The following BMAL2 variants were observed in gnomAD, a reference collection of about 807,000 sequenced individuals.
BMAL2 encodes basic helix-loop-helix ARNT like 2.
chr12:27,374,540 C>T, the BMAL2 span, among the ~76,000 whole-genome samples: 3 of 152,166 alleles, frequency 2.0e-5, no homozygotes, highest in African/African-American at 7.2e-5. Context: ...TATATAATTC[C>T]AGACTATTAG....
chr12:27,340,385 T>C, the BMAL2 span, among the ~76,000 whole-genome samples: 1 of 152,224 alleles, frequency 6.6e-6, no homozygotes, highest in Non-Finnish European at 1.5e-5. Context: ...TGCTTGTTTT[T>C]GTCAGCTTTG....
the BMAL2 span, chr12:27,387,231 G>A: frequency 6.2e-7 from 1 of 1,606,942 alleles, no homozygotes; most frequent in Non-Finnish European, 8.5e-7. Flanking sequence ...ATCCTAGACT[G>A]CAGAAGGCTT....
chr12:27,390,094 AGCTGGTTT>A, the BMAL2 span: 1 of 1,613,512 alleles, frequency 6.2e-7, no homozygotes, highest in African/African-American at 1.3e-5. Context: ...TCTGCACGAA[AGCTGGTTT>A]GCAAGTTCAC....
chr12:27,396,465 G>A, the BMAL2 span, among the ~76,000 whole-genome samples: 1 of 152,218 alleles, frequency 6.6e-6, no homozygotes, highest in East Asian at 1.9e-4. Context: ...GTCACATATA[G>A]AGTGACAGAA....
chr12:27,350,489 C>T, the BMAL2 span, among the ~76,000 whole-genome samples: 3 of 152,148 alleles, frequency 2.0e-5, no homozygotes, highest in Non-Finnish European at 4.4e-5. Flanking sequence ...TGAAGATGTT[C>T]CACAGAAGTG....
the BMAL2 span, among the ~76,000 whole-genome samples, chr12:27,348,880 G>C: frequency 7.2e-6 from 1 of 139,170 alleles, no homozygotes; most frequent in African/African-American, 3.4e-5. Flanking sequence ...AGAATTAAGT[G>C]AAGCAGGATG....
the BMAL2 span, among the ~76,000 whole-genome samples, chr12:27,398,963 G>T: frequency 6.6e-6 from 1 of 152,104 alleles, no homozygotes; most frequent in Non-Finnish European, 1.5e-5. Context: ...GTTGTTAGGG[G>T]GAGGTAGAGC....
the BMAL2 span, among the ~76,000 whole-genome samples, chr12:27,335,997 T>C: frequency 3.3e-5 from 5 of 152,236 alleles, no homozygotes; most frequent in Admixed American, 6.5e-5. Flanking sequence ...GCTGTGAACA[T>C]TGAGGTAGCA....
the BMAL2 span, among the ~76,000 whole-genome samples, chr12:27,374,699 G>A: frequency 6.6e-6 from 1 of 152,324 alleles, no homozygotes; most frequent in East Asian, 1.9e-4. Context: ...CACACAACAG[G>A]CTGACGGTGG....
At chr12:27,409,189 A>T in the BMAL2 span, among the ~76,000 whole-genome samples, 1 of 152,198 alleles carries the variant, frequency 6.6e-6, no homozygotes, top group Non-Finnish European at 1.5e-5. Flanking sequence ...TTATAGATTC[A>T]ATGCCATCCC....
chr12:27,388,417 G>A, the BMAL2 span, among the ~76,000 whole-genome samples: 1 of 152,230 alleles, frequency 6.6e-6, no homozygotes, highest in East Asian at 1.9e-4. Flanking sequence ...CGTTAGTCCT[G>A]TTGTCTATAG....
the BMAL2 span, among the ~76,000 whole-genome samples, chr12:27,388,081 A>G: frequency 6.6e-6 from 1 of 150,886 alleles, no homozygotes; most frequent in South Asian, 2.1e-4. Context: ...AAACACACCC[A>G]CACATGCACA....
At chr12:27,359,207 C>T in the BMAL2 span, among the ~76,000 whole-genome samples, 1 of 152,066 alleles carries the variant, frequency 6.6e-6, no homozygotes, top group Non-Finnish European at 1.5e-5. Flanking sequence ...GTAGAAAGTA[C>T]GCCTCCTTGT....
the BMAL2 span, among the ~76,000 whole-genome samples, chr12:27,345,817 G>A: frequency 6.6e-6 from 1 of 152,018 alleles, no homozygotes; most frequent in African/African-American, 2.4e-5. Flanking sequence ...AATTTGTTTT[G>A]TTCTTTTTCC....
At chr12:27,390,310 G>GA in the BMAL2 span, 1 of 1,483,136 alleles carries the variant, frequency 6.7e-7, no homozygotes, top group Non-Finnish European at 9.2e-7. Context: ...TTTCTGTACA[G>GA]AAAAAATAAA....
chr12:27,409,437 G>A, the BMAL2 span, among the ~76,000 whole-genome samples: 1 of 152,118 alleles, frequency 6.6e-6, no homozygotes, highest in African/African-American at 2.4e-5. Flanking sequence ...CAGAAATAAT[G>A]CCACATATCT....
At chr12:27,423,542 G>A in the BMAL2 span, 1 of 152,074 alleles carries the variant, frequency 6.6e-6, no homozygotes, top group Non-Finnish European at 1.5e-5. Context: ...TGTTAGCCAG[G>A]ATGGTCTCGA....
the BMAL2 span, among the ~76,000 whole-genome samples, chr12:27,393,612 T>G: frequency 2.0e-5 from 3 of 152,246 alleles, no homozygotes; most frequent in African/African-American, 7.2e-5. Context: ...CACAGTCTTA[T>G]TTCTGAAAAG....
At chr12:27,388,460 A>G in the BMAL2 span, among the ~76,000 whole-genome samples, 2 of 152,164 alleles carry the variant, frequency 1.3e-5, no homozygotes, top group Non-Finnish European at 2.9e-5. Context: ...GGAATTCAGA[A>G]GAGGGGTGGC....
Sources: gnomAD v4.1 joint callset for allele counts (sites outside exome capture counted in the v4.1 genomes callset) on GRCh38, gnomAD v4.1.1 for gene constraint, MANE v1.5 for transcripts, NCBI Gene and HGNC (gene_info 2026-07-23, HGNC 2026-07-21) for gene names.